The following NBEA variants were observed in gnomAD, a reference collection of about 807,000 sequenced individuals.
NBEA encodes the protein lysosomal-trafficking regulator 2.
In NBEA, 44 loss-of-function variants were observed where a neutral mutation model predicts 343.4. The observed-to-expected ratio is 0.13, with a 90% CI of 0.10 to 0.16. NBEA has a LOEUF of 0.16. Among genes scored for constraint, NBEA ranks in the 10% least tolerant of loss-of-function variants. NBEA has a pLI of 1.00. For synonymous variants in NBEA, 1,175 were observed against 1,238.7 expected, an observed-to-expected ratio of 0.95 and a Z score of 1.08; for missense variants, 2,555 against 3,631.3, an observed-to-expected ratio of 0.70 and a Z score of 7.62.
At chr13:35,527,874 C>T (rs994958840) in intron 41 of NBEA, among the ~76,000 whole-genome samples, 2 of 152,178 alleles carry the variant, frequency 1.3e-5, no homozygotes, top group Non-Finnish European at 2.9e-5. Context: ...GCGCATCAGC[C>T]GGAGGCTTCC....
At chr13:35,216,444 A>G (rs2074069913) in intron 33 of NBEA, among the ~76,000 whole-genome samples, 1 of 151,936 alleles carries the variant, frequency 6.6e-6, no homozygotes, top group Non-Finnish European at 1.5e-5. Flanking sequence ...TAAAATATTT[A>G]CTGTCTTATC....
At chr13:35,087,846 A>G (rs945130231) in intron 10 of NBEA, among the ~76,000 whole-genome samples, 1 of 151,938 alleles carries the variant, frequency 6.6e-6, no homozygotes, top group African/African-American at 2.4e-5. Flanking sequence ...CTTGTAGACT[A>G]TATTTGACGT....
rs1307720097 is a variant in NBEA at position 35,410,305 on chromosome 13, A to C, written c.6180-21964A>C. Among the ~76,000 whole-genome samples, 3 of 152,284 alleles carry C rather than the reference A, an allele frequency of 2.0e-5. No individual in the cohort carries two copies. In the East Asian group the frequency reaches 5.8e-4, roughly 29 times the overall value. On this transcript the variant is annotated intron_variant, in intron 38 of 58. Coordinates refer to ENST00000379939, the MANE Select transcript of NBEA (RefSeq NM_001385012.1). ...TTGACTATCTGAGCCATAGCTTTACAGTGTCAGAATATGAGAGTATACTTC... is the reference window on the plus strand; with the variant it reads ...TTGACTATCTGAGCCATAGCTTTACCGTGTCAGAATATGAGAGTATACTTC...
chr13:35,344,378 C>A (rs1201760413), intron 36 of NBEA, among the ~76,000 whole-genome samples: 1 of 151,724 alleles, frequency 6.6e-6, no homozygotes, highest in Non-Finnish European at 1.5e-5. Context: ...AATAACAGAA[C>A]CCCTTCACAA....
intron 38 of NBEA, among the ~76,000 whole-genome samples, chr13:35,413,333 G>A (rs759267783): frequency 7.2e-5 from 11 of 151,994 alleles, no homozygotes; most frequent in Non-Finnish European, 1.5e-4. Flanking sequence ...GTAGCCAAAG[G>A]GAAATTCTGT....
At chr13:34,984,184 C>A (rs536936420) in intron 1 of NBEA, among the ~76,000 whole-genome samples, 1 of 152,256 alleles carries the variant, frequency 6.6e-6, no homozygotes, top group Admixed American at 6.5e-5. Context: ...ACATTTAAGT[C>A]TTTAATCCAT....
chr13:35,512,023 A>C (rs529025883), intron 41 of NBEA, among the ~76,000 whole-genome samples: 1 of 152,234 alleles, frequency 6.6e-6, no homozygotes, highest in East Asian at 1.9e-4. Flanking sequence ...TGACTAAGCT[A>C]TGCAGTGACT....
At chr13:34,982,539 A>G (rs1211947789) in intron 1 of NBEA, among the ~76,000 whole-genome samples, 2 of 152,086 alleles carry the variant, frequency 1.3e-5, no homozygotes, top group African/African-American at 2.4e-5. Flanking sequence ...GGCCTCAGGT[A>G]ATCCTCCTGC....
At chr13:35,047,817 A>AACAGATTAAT (rs57273754) in intron 4 of NBEA, among the ~76,000 whole-genome samples, 1 of 140,394 alleles carries the variant, frequency 7.1e-6, no homozygotes, top group African/African-American at 2.7e-5. Context: ...CTATTTGAGG[A>AACAGATTAAT]TATCTTTTAT....
intron 49 of NBEA, among the ~76,000 whole-genome samples, chr13:35,642,933 G>A (rs2084033161): frequency 6.6e-6 from 1 of 150,702 alleles, no homozygotes; most frequent in South Asian, 2.1e-4. Context: ...GTATGTAGTA[G>A]GTACTCAACA....
rs761693968 is a variant in NBEA, at chr13:35,472,420, C to T, written c.6469C>T (p.Pro2157Ser). ...TGCAGGCCCAGTGGTTCTCAGCACC[C>T]CTGCCCAGCTCATCGCTCCCGTGGT... is the stretch of plus-strand genomic sequence containing the variant. Reference protein sequence around the residue: ...NLAGPVVLSTPAQLIAPVVVA... With the variant: ...NLAGPVVLSTSAQLIAPVVVA... The change falls in exon 41 of 59, where the codon CCT (proline) becomes TCT (serine). Residue 2157 changes from proline to serine, a missense_variant. Physicochemically the swap from Pro to Ser is moderately conservative, Grantham distance 74. This residue lies in a region of NBEA where 246 missense variants were observed against 313.7 expected (regional missense o/e 0.78). Transcript: ENST00000379939. 3 of 1,613,716 alleles carry T rather than the reference C, an allele frequency of 1.9e-6. No individual in the cohort carries two copies. The highest frequency in any genetic ancestry group is 1.7e-5 in the Admixed American group (1 of 59,994).
At chr13:35,326,998 G>T (rs1018863444) in intron 36 of NBEA, among the ~76,000 whole-genome samples, 4 of 151,818 alleles carry the variant, frequency 2.6e-5, no homozygotes, top group Non-Finnish European at 4.4e-5. Context: ...ACAAAAAGAA[G>T]ACATACAAGC....
chr13:35,626,867 A>C (rs979396185), intron 48 of NBEA, among the ~76,000 whole-genome samples: 4 of 152,188 alleles, frequency 2.6e-5, no homozygotes, highest in Admixed American at 6.5e-5. Flanking sequence ...TAGTATGGAA[A>C]CTGTTCTTTC....
At chr13:35,566,047 T>A (rs1190237044) in intron 44 of NBEA, among the ~76,000 whole-genome samples, 1 of 152,190 alleles carries the variant, frequency 6.6e-6, no homozygotes, top group Non-Finnish European at 1.5e-5. Flanking sequence ...ATATAATTTC[T>A]AGATATATAT....
At chr13:35,101,491 A>G (rs1206982947) in intron 11 of NBEA, among the ~76,000 whole-genome samples, 1 of 151,786 alleles carries the variant, frequency 6.6e-6, no homozygotes, top group East Asian at 1.9e-4. Context: ...TTAGCTATTT[A>G]TTGATATATA....
chr13:35,141,371 A>T (rs1172722919), intron 17 of NBEA, among the ~76,000 whole-genome samples: 1 of 151,988 alleles, frequency 6.6e-6, no homozygotes, highest in Non-Finnish European at 1.5e-5. Flanking sequence ...GGTTTAAGCG[A>T]TTCTTCTGCC....
At chr13:35,019,961 C>G (rs1475710624) in intron 1 of NBEA, among the ~76,000 whole-genome samples, 5 of 152,152 alleles carry the variant, frequency 3.3e-5, no homozygotes, top group African/African-American at 4.8e-5. Context: ...ACAGAACTAA[C>G]CAACATTTGA....
At chr13:35,475,584 G>A (rs1279730174) in intron 41 of NBEA, 1 of 1,613,524 alleles carries the variant, frequency 6.2e-7, no homozygotes, top group Non-Finnish European at 8.5e-7. Context: ...GTGGCCAGTG[G>A]GCAGCACTCC....
chr13:35,290,170 C>T (rs894577414), intron 34 of NBEA, among the ~76,000 whole-genome samples: 1 of 151,584 alleles, frequency 6.6e-6, no homozygotes, highest in Admixed American at 6.6e-5. Context: ...AAACCCACAG[C>T]CAATATCATA....
Sources: allele counts gnomAD v4.1 joint callset (sites outside exome capture counted in the v4.1 genomes callset), GRCh38; gene constraint gnomAD v4.1.1; regional missense constraint gnomAD v4.1.1; transcripts MANE v1.5; gene names NCBI Gene and HGNC (gene_info 2026-07-23, HGNC 2026-07-21).